Variants in RBMS3 observed in about 807,000 individuals in gnomAD.
RBMS3 encodes RNA binding motif single stranded interacting protein 3, also known as RNA-binding motif, single-stranded-interacting protein 3.
Under a neutral mutation model 66.8 loss-of-function variants are expected in RBMS3, and 27 were observed. That is an observed-to-expected ratio of 0.40 (90% confidence interval 0.30 to 0.56). The LOEUF is 0.56. Among genes scored for constraint, RBMS3 ranks in the 20% least tolerant of loss-of-function variants. RBMS3 has a pLI of 0.40. For synonymous variants in RBMS3, 188 were observed against 183.0 expected (o/e 1.03, Z -0.22); for missense variants, 513 against 549.5 (o/e 0.93, Z 0.66).
chr3:29,862,579 G>C (rs184015300), intron 6 of RBMS3, among the ~76,000 whole-genome samples: 1 of 152,136 alleles, frequency 6.6e-6, no homozygotes, highest in Non-Finnish European at 1.5e-5. Flanking sequence ...GAGTCAAAGA[G>C]GGCTTCCTTG....
intron 2 of RBMS3, among the ~76,000 whole-genome samples, chr3:29,484,405 C>T (rs1456845741): frequency 2.0e-5 from 3 of 152,150 alleles, no homozygotes; most frequent in African/African-American, 4.8e-5. Flanking sequence ...CTTCTCTCTA[C>T]GACTTCATAT....
intron 12 of RBMS3, among the ~76,000 whole-genome samples, chr3:29,956,825 G>T (rs1577244472): frequency 3.3e-5 from 5 of 151,968 alleles, no homozygotes; most frequent in Admixed American, 3.3e-4. Context: ...AAATCCTTTT[G>T]CAGCTTTCAG....
At chr3:29,930,773 T>G (rs2061099801) in intron 10 of RBMS3, among the ~76,000 whole-genome samples, 1 of 151,948 alleles carries the variant, frequency 6.6e-6, no homozygotes, top group South Asian at 2.1e-4. Flanking sequence ...TTAGTCAAAC[T>G]TTTTTCATCA....
At chr3:29,593,402 T>C (rs1576318266) in intron 4 of RBMS3, among the ~76,000 whole-genome samples, 2 of 152,280 alleles carry the variant, frequency 1.3e-5, no homozygotes, top group East Asian at 3.9e-4. Flanking sequence ...TACAGTGGGA[T>C]GGAGCCTCCT....
At chr3:29,989,924 AC>A (rs1327820591) in intron 13 of RBMS3, among the ~76,000 whole-genome samples, 2 of 152,212 alleles carry the variant, frequency 1.3e-5, no homozygotes, top group Admixed American at 1.3e-4. Flanking sequence ...AAAGACAAAT[AC>A]TTATCTACAA....
chr3:29,593,177 G>A (rs908416049), intron 4 of RBMS3, among the ~76,000 whole-genome samples: 3 of 152,008 alleles, frequency 2.0e-5, no homozygotes, highest in African/African-American at 7.2e-5. Context: ...AAAAAGGAAG[G>A]GTGTATTCAA....
At chr3:29,886,341 T>C (rs1402689149) in intron 8 of RBMS3, among the ~76,000 whole-genome samples, 2 of 151,822 alleles carry the variant, frequency 1.3e-5, no homozygotes, top group Non-Finnish European at 2.9e-5. Flanking sequence ...CATTTACAGA[T>C]AAGAAAATGA....
intron 3 of RBMS3, among the ~76,000 whole-genome samples, chr3:29,530,345 A>T (rs1346064258): frequency 6.6e-6 from 1 of 152,200 alleles, no homozygotes; most frequent in East Asian, 1.9e-4. Context: ...TGAAATTTCC[A>T]CCCCAGAAAT....
chr3:29,561,547 G>C (rs1203417531), intron 3 of RBMS3, among the ~76,000 whole-genome samples: 1 of 152,062 alleles, frequency 6.6e-6, no homozygotes, highest in South Asian at 2.1e-4. Flanking sequence ...CTGCCTCATT[G>C]GTTCGAGCAA....
rs555459758 is a variant in RBMS3, at chr3:29,640,254, T to TTACA, written c.399+53050_399+53053dup. Among the ~76,000 whole-genome samples the TTACA allele has an allele frequency of 2.7e-4, 35 of 129,910 alleles. 1 individual carries two copies. The South Asian group carries it at 8.5e-3, about 31-fold the overall frequency. 85.2% of individuals were successfully genotyped at this position (129,910 alleles called of 152,430 possible). On this transcript the variant is annotated intron_variant, in intron 4 of 14. Coordinates refer to ENST00000383767, the MANE Select transcript of RBMS3 (RefSeq NM_001003793.3). Reference sequence around the variant, plus strand: ...AGTAAACATTTTATTGACATTTTGGTTACACACACACACACACACACACAC... The same window carrying TTACA: ...AGTAAACATTTTATTGACATTTTGGTTACATACACACACACACACACACACACAC...
chr3:29,681,187 T>C (rs1001110807), intron 4 of RBMS3, among the ~76,000 whole-genome samples: 1 of 152,216 alleles, frequency 6.6e-6, no homozygotes, highest in Non-Finnish European at 1.5e-5. Context: ...ACTTACTGAA[T>C]GATTTCTTAA....
At chr3:29,310,745 C>T (rs2034323333) in intron 1 of RBMS3, among the ~76,000 whole-genome samples, 1 of 151,676 alleles carries the variant, frequency 6.6e-6, no homozygotes, top group African/African-American at 2.4e-5. Flanking sequence ...TCAAGATGCG[C>T]TCCTTGGGGT....
Position 29,496,362 on chromosome 3 carries a change from A to G in RBMS3, c.307+7863A>G, listed in dbSNP as rs1456489841. Among the ~76,000 whole-genome samples the G allele has an allele frequency of 2.0e-5, 3 of 152,166 alleles. No individual in the cohort carries two copies. The East Asian group carries it at 5.8e-4, about 29-fold the overall frequency. ...TTACCACCAGTCATAGGTCATCAAT[A>G]TATAAACTTGAAGGTTTGCTTTATT... On this transcript the variant is annotated intron_variant, in intron 3 of 14. Transcript: ENST00000383767.
At chr3:29,903,421 T>G (rs1224119575) in intron 10 of RBMS3, among the ~76,000 whole-genome samples, 1 of 151,956 alleles carries the variant, frequency 6.6e-6, no homozygotes, top group Non-Finnish European at 1.5e-5. Flanking sequence ...TGCTTCTGCT[T>G]CTCAGCACAG....
chr3:29,716,657 A>G (rs1431873606), intron 4 of RBMS3, among the ~76,000 whole-genome samples: 2 of 152,138 alleles, frequency 1.3e-5, no homozygotes, highest in Non-Finnish European at 2.9e-5. Flanking sequence ...GTACAGTAAA[A>G]CGAAACCTTC....
chr3:29,431,567 A>G (rs1348181091), intron 1 of RBMS3, among the ~76,000 whole-genome samples: 1 of 152,062 alleles, frequency 6.6e-6, no homozygotes, highest in Non-Finnish European at 1.5e-5. Context: ...CTGGGACTAC[A>G]GGCGTGAGCC....
At chr3:29,764,615 A>T (rs147843730) in intron 6 of RBMS3, among the ~76,000 whole-genome samples, 1 of 152,054 alleles carries the variant, frequency 6.6e-6, no homozygotes, top group East Asian at 1.9e-4. Flanking sequence ...ACAAGTCTCA[A>T]TTTTTTGATT....
intron 4 of RBMS3, among the ~76,000 whole-genome samples, chr3:29,712,337 G>C: frequency 6.6e-6 from 1 of 151,894 alleles, no homozygotes; most frequent in African/African-American, 2.4e-5. Context: ...TTTTGAGACA[G>C]GGTCTCACTC....
At chr3:29,804,224 CTA>C (rs923323166) in intron 6 of RBMS3, among the ~76,000 whole-genome samples, 2 of 151,788 alleles carry the variant, frequency 1.3e-5, no homozygotes, top group African/African-American at 4.8e-5. Flanking sequence ...TGCTATAAAA[CTA>C]AAAGAAAAAA....
Sources: allele counts gnomAD v4.1 joint callset (sites outside exome capture counted in the v4.1 genomes callset), GRCh38; gene constraint gnomAD v4.1.1; transcripts MANE v1.5; gene names NCBI Gene and HGNC (gene_info 2026-07-23, HGNC 2026-07-21).